The following ADGRF5 variants were observed in gnomAD, a reference collection of about 807,000 sequenced individuals.
ADGRF5 encodes the protein G-protein coupled receptor 116.
In ADGRF5, 75 loss-of-function variants were observed where a neutral mutation model predicts 132.3. The observed-to-expected ratio is 0.57, with a 90% CI of 0.47 to 0.69. ADGRF5 has a LOEUF of 0.69. Among genes scored for constraint, ADGRF5 ranks in the 30% least tolerant of loss-of-function variants. The probability of loss-of-function intolerance (pLI) is 0.00; values close to 1 mark genes in which losing one functional copy is unlikely to be tolerated. For synonymous variants in ADGRF5, 629 were observed against 597.6 expected (o/e 1.05, Z -0.77); for missense variants, 1,516 against 1,630.6 (o/e 0.93, Z 1.21).
In ADGRF5 at chr6:46,859,423, T is replaced by C. The variant is rs1484783062; in HGVS notation, c.2480A>G (p.His827Arg). The C allele has an allele frequency of 6.2e-7, 1 of 1,613,028 alleles. No individual in the cohort carries two copies. Among genetic ancestry groups the C allele is most frequent in the Non-Finnish European group, 8.5e-7 (1 of 1,179,024 alleles). The change falls in exon 17 of 21, where the codon CAT (histidine) becomes CGT (arginine). Residue 827 changes from histidine (H) to arginine (R), a missense_variant. Physicochemically the swap from His to Arg is conservative, Grantham distance 29 (BLOSUM62 0). Coordinates refer to ENST00000283296, the MANE Select transcript of ADGRF5 (RefSeq NM_001098518.2). The stretch of plus-strand genomic sequence containing the variant: ...TGCTTGGGAAAATCTTTCCACTGAA[T>C]GTAGTAGCTGTGAACTCTGATTGGT... Reference protein sequence around the residue: ...QWTNQSSQLLHSVERFSQALQ... With the variant: ...QWTNQSSQLLRSVERFSQALQ...
chr6:46,906,545 A>T (rs1775389502), intron 2 of ADGRF5, 116 bp downstream of exon 2: 2 of 670,418 alleles, frequency 3.0e-6, no homozygotes, highest in Admixed American at 2.5e-5. Flanking sequence ...TATGGGAAGA[A>T]TGTTTTTTCT....
chr6:46,932,341 A>T (rs1295907156), intron 1 of ADGRF5, among the ~76,000 whole-genome samples: 4 of 152,246 alleles, frequency 2.6e-5, no homozygotes, highest in Non-Finnish European at 5.9e-5. Context: ...GGAACATAGT[A>T]GGTATTCAAT....
Position 46,858,912 on chromosome 6 carries a change from C to A in ADGRF5, c.2991G>T (p.Met997Ile), listed in dbSNP as rs776457770. The change falls in exon 17 of 21, where the codon ATG (methionine) becomes ATT (isoleucine). Residue 997 changes from methionine (M) to isoleucine (I), a missense_variant. Around this residue, in one of 2 missense-constraint regions of ADGRF5, gnomAD observed 571 missense variants for 701.2 expected, o/e 0.81. Transcript: ENST00000283296. ...AACTAGGATCTGGGGAGTCAGGGGA[C>A]ATGAGGATGGAGAATGATGTTAGGT... ...CDHLTSFSIL[M>I]SPDSPDPSSL... The A allele has an allele frequency of 8.1e-6, 13 of 1,613,880 alleles. No homozygotes were observed. Among genetic ancestry groups the A allele is most frequent in the Admixed American group, 6.7e-5 (4 of 59,986 alleles).
At chr6:46,889,783 T>C (rs1219692674) in intron 3 of ADGRF5, among the ~76,000 whole-genome samples, 2 of 21,978 alleles carry the variant, frequency 9.1e-5, no homozygotes, top group Admixed American at 7.3e-4. Context: ...TGTGTGTGTA[T>C]ATATATATAT....
chr6:46,861,930 C>T (rs532754292), intron 15 of ADGRF5, among the ~76,000 whole-genome samples: 6 of 151,232 alleles, frequency 4.0e-5, no homozygotes, highest in Non-Finnish European at 7.4e-5. Context: ...AGCTCAGATG[C>T]CTATTTTTTT....
At chr6:46,950,103 G>C (rs1778441498) in intron 1 of ADGRF5, among the ~76,000 whole-genome samples, 1 of 152,122 alleles carries the variant, frequency 6.6e-6, no homozygotes, top group Non-Finnish European at 1.5e-5. Context: ...GAGCGGGAAG[G>C]GACCTTTGAG....
At chr6:46,877,222 CCTCTCTTT>C (rs1771757138) in intron 10 of ADGRF5, among the ~76,000 whole-genome samples, 1 of 147,152 alleles carries the variant, frequency 6.8e-6, no homozygotes, top group Admixed American at 6.8e-5. Flanking sequence ...TAATTTATTT[CCTCTCTTT>C]CTTTCTTTCT....
At position 46,872,023 on chromosome 6, in the gene ADGRF5, G is replaced by A; in HGVS notation, c.1241-10C>T. On this transcript the variant is annotated splice_polypyrimidine_tract_variant and intron_variant, in intron 10 of 20. Transcript: ENST00000283296. The stretch of plus-strand genomic sequence containing the variant: ...TCTGTCTCAGGGGTTCCTATAATGA[G>A]AAGCAAATTGTTGCCATCCCAGCTG... 3 of 1,569,958 alleles carry A rather than the reference G, an allele frequency of 1.9e-6. No homozygotes were observed. The highest frequency in any genetic ancestry group is 2.6e-6 in the Non-Finnish European group (3 of 1,150,106).
intron 1 of ADGRF5, among the ~76,000 whole-genome samples, chr6:46,908,498 GA>G (rs1450495318): frequency 2.6e-5 from 4 of 152,064 alleles, no homozygotes; most frequent in Non-Finnish European, 5.9e-5. Context: ...GATAACCAAG[GA>G]AGAACTCACA....
chr6:46,901,547 C>T (rs369211294), intron 2 of ADGRF5, among the ~76,000 whole-genome samples: 14 of 152,282 alleles, frequency 9.2e-5, no homozygotes, highest in African/African-American at 3.4e-4. Flanking sequence ...TGTGCCAAGA[C>T]AAGGGTAGAT....
chr6:46,937,681 T>C (rs1342237728), intron 1 of ADGRF5, among the ~76,000 whole-genome samples: 1 of 152,190 alleles, frequency 6.6e-6, no homozygotes, highest in African/African-American at 2.4e-5. Flanking sequence ...CACAATAAAA[T>C]AGAGCAATTA....
At chr6:46,865,262 A>G in intron 13 of ADGRF5, 65 bp from the exon 14 acceptor site, 1 of 1,146,644 alleles carries the variant, frequency 8.7e-7, no homozygotes. Context: ...AATTGTGTTA[A>G]GATAACCTAA....
At chr6:46,862,513 C>A (rs1769879416) in intron 15 of ADGRF5, among the ~76,000 whole-genome samples, 1 of 151,898 alleles carries the variant, frequency 6.6e-6, no homozygotes, top group South Asian at 2.1e-4. Flanking sequence ...TTTTATATTG[C>A]TCCTTTTTCT....
rs1561838678 is a variant in ADGRF5 at position 46,941,414 on chromosome 6, A to AAGAAAAGAAAAG, written c.-25+13308_-25+13319dup. ...AAGAAAAGAAAAGAAAAGAAAAGAA[A>AAGAAAAGAAAAG]AGAAAAGAAAAGAAAAGAAAAGAAA... is the stretch of plus-strand genomic sequence containing the variant. On this transcript the variant is annotated intron_variant, in intron 1 of 20. Transcript: ENST00000265417. 7.1e-5 allele frequency among the ~76,000 whole-genome samples: 3 copies of AAGAAAAGAAAAG among 42,496 alleles called. 1 individual carries two copies. Among genetic ancestry groups the AAGAAAAGAAAAG allele is most frequent in the African/African-American group, 2.8e-4 (3 of 10,686 alleles). 27.9% of individuals were successfully genotyped at this position (42,496 alleles called of 152,430 possible).
chr6:46,913,387 T>C (rs112992660), intron 1 of ADGRF5, among the ~76,000 whole-genome samples: 291 of 152,112 alleles, frequency 1.9e-3, no homozygotes, highest in Non-Finnish European at 3.6e-3. Context: ...TAATCTCAGC[T>C]ACTCGGGAGG....
intron 10 of ADGRF5, among the ~76,000 whole-genome samples, chr6:46,877,325 CTTTCTTTCTTTCTTTCTTTCTTTCTT>C (rs1562175446): frequency 3.9e-4 from 16 of 41,226 alleles, no homozygotes; most frequent in African/African-American, 7.7e-4. Context: ...TTCCTTCCTT[CTTTCTTTCTTTCTTTCTTTCTTTCTT>C]TCTTTCTTTC....
chr6:46,921,251 G>A (rs548360932), intron 1 of ADGRF5, among the ~76,000 whole-genome samples: 2 of 152,186 alleles, frequency 1.3e-5, no homozygotes, highest in East Asian at 1.9e-4. Context: ...GAAGCTGAGC[G>A]AATAGCCAGG....
chr6:46,875,821 C>A (rs990254329), intron 10 of ADGRF5, among the ~76,000 whole-genome samples: 1 of 151,914 alleles, frequency 6.6e-6, no homozygotes, highest in Non-Finnish European at 1.5e-5. Flanking sequence ...AACAAAAAAA[C>A]CAGAGTTGAA....
chr6:46,946,652 T>C (rs1347812430), intron 1 of ADGRF5, among the ~76,000 whole-genome samples: 1 of 152,072 alleles, frequency 6.6e-6, no homozygotes. Context: ...ACGGGAGAGC[T>C]GAGCTCTGGA....
Sources: allele counts gnomAD v4.1 joint callset (sites outside exome capture counted in the v4.1 genomes callset), GRCh38; gene constraint gnomAD v4.1.1; regional missense constraint gnomAD v4.1.1; transcripts MANE v1.5; gene names NCBI Gene and HGNC (gene_info 2026-07-23, HGNC 2026-07-21).